The following CRHR2 variants were observed in gnomAD, a reference collection of about 807,000 sequenced individuals.
CRHR2 encodes the protein corticotropin-releasing hormone receptor 2.
Under a neutral mutation model 57.9 loss-of-function variants are expected in CRHR2, and 53 were observed. The ratio of observed to expected loss-of-function variants is 0.92; its 90% CI spans 0.73 to 1.15. The LOEUF (loss-of-function observed/expected upper bound fraction) is 1.15. Ranked by LOEUF, CRHR2 falls within the 50% of genes most tolerant of loss-of-function variation. The pLI is 0.00. For synonymous variants in CRHR2, 213 were observed against 220.9 expected (o/e 0.96, Z 0.32); for missense variants, 532 against 542.6 (o/e 0.98, Z 0.19).
At chr7:30,696,353 C>T (rs915962117) in intron 1 of CRHR2, among the ~76,000 whole-genome samples, 4 of 152,182 alleles carry the variant, frequency 2.6e-5, no homozygotes, top group African/African-American at 9.7e-5. Context: ...ATTTTCTACA[C>T]ATTGCATGCC....
chr7:30,685,247 G>C (rs1475603253), upstream of CRHR2, among the ~76,000 whole-genome samples: 1 of 152,156 alleles, frequency 6.6e-6, no homozygotes, highest in Non-Finnish European at 1.5e-5. Context: ...CTAATACATG[G>C]CATCAAACAG....
At chr7:30,671,423 G>A (rs1784349464) in intron 2 of CRHR2, among the ~76,000 whole-genome samples, 2 of 152,062 alleles carry the variant, frequency 1.3e-5, no homozygotes, top group Admixed American at 1.3e-4. Flanking sequence ...AAGGGACAGG[G>A]GTAGGCATGG....
chr7:30,653,689 G>T lies in CRHR2; in HGVS notation c.1096-89C>A. On this transcript the variant is annotated intron_variant, in intron 11 of 11. Transcript: ENST00000471646. The surrounding 1 kb of genome is among the most constrained non-coding windows in gnomAD (Gnocchi z 5.0). ...CCTCCTCTGCTTTCTGCTCTCATGG[G>T]TCGACTGCCACCCTCATGACAAGGA... The T allele has an allele frequency of 6.9e-7, 1 of 1,444,554 alleles. No individual in the cohort carries two copies. The highest frequency in any genetic ancestry group is 9.2e-7 in the Non-Finnish European group (1 of 1,090,784). The allele number at this position is 1,444,554 out of a possible 1,614,324, so 89.5% of individuals were successfully genotyped here.
chr7:30,688,715 GCA>G, intron 2 of CRHR2: 3 of 441,104 alleles, frequency 6.8e-6, no homozygotes, highest in South Asian at 4.9e-5. Flanking sequence ...AGGGCTCTGT[GCA>G]GCTCTGCAGT....
At chr7:30,669,029 A>G (rs1192697986) in intron 2 of CRHR2, among the ~76,000 whole-genome samples, 2 of 152,222 alleles carry the variant, frequency 1.3e-5, no homozygotes, top group Non-Finnish European at 2.9e-5. Flanking sequence ...TCACTGAACT[A>G]AAAAAGCAAA....
At chr7:30,677,123 A>G (rs1784543626) in intron 2 of CRHR2, among the ~76,000 whole-genome samples, 1 of 152,140 alleles carries the variant, frequency 6.6e-6, no homozygotes, top group South Asian at 2.1e-4. Context: ...GGCAGATAGA[A>G]GGAGGGATGG....
rs1784165784 is a variant in CRHR2, at chr7:30,665,705, C to T, written c.316-66G>A. On this transcript the variant is annotated intron_variant, in intron 3 of 11. Coordinates refer to ENST00000471646, the MANE Select transcript of CRHR2 (RefSeq NM_001883.5). The surrounding 1 kb of genome is among the most constrained non-coding windows in gnomAD (Gnocchi z 4.5). ...CACGTGGGGGTGGGGCTGGGTATTC[C>T]AGCCGTGGCCACCTCTGTGTCCTGA... is the stretch of plus-strand genomic sequence containing the variant. The T allele has an allele frequency of 7.5e-7, 1 of 1,336,112 alleles. No individual in the cohort carries two copies. The highest frequency in any genetic ancestry group is 1.0e-6 in the Non-Finnish European group (1 of 956,206). 82.8% of individuals were successfully genotyped at this position (1,336,112 alleles called of 1,614,324 possible).
At chr7:30,672,203 C>T (rs1315066113) in intron 2 of CRHR2, among the ~76,000 whole-genome samples, 1 of 152,222 alleles carries the variant, frequency 6.6e-6, no homozygotes, top group African/African-American at 2.4e-5. Context: ...CCCAGCTCCT[C>T]CAGGTAGTTT....
At chr7:30,672,881 T>A (rs1784409265) in intron 2 of CRHR2, among the ~76,000 whole-genome samples, 1 of 152,160 alleles carries the variant, frequency 6.6e-6, no homozygotes, top group South Asian at 2.1e-4. Flanking sequence ...AACTGACACA[T>A]CTGGGGTCAC....
At chr7:30,691,333 C>T (rs1048550983) in intron 1 of CRHR2, among the ~76,000 whole-genome samples, 21 of 152,214 alleles carry the variant, frequency 1.4e-4, no homozygotes, top group Admixed American at 6.5e-4. Context: ...GTCCACGGTG[C>T]GCCCTTAGGC....
intron 9 of CRHR2, 25 bp downstream of exon 9, chr7:30,655,902 G>T: frequency 6.2e-7 from 1 of 1,611,650 alleles, no homozygotes; most frequent in African/African-American, 1.3e-5. Flanking sequence ...TCCCCATTGT[G>T]GGGTCAAGGG....
rs1163393907 is a variant in CRHR2, at chr7:30,665,006, C to A, written c.543+64G>T. Reference sequence around the variant, plus strand: ...GGGGTCCAAGCAGAGACCAGACAGACAGATGGGTGCCCCCGGAGCCCAGAG... The same window carrying A: ...GGGGTCCAAGCAGAGACCAGACAGAAAGATGGGTGCCCCCGGAGCCCAGAG... On this transcript the variant is annotated intron_variant, in intron 5 of 11. Coordinates refer to ENST00000471646, the MANE Select transcript of CRHR2 (RefSeq NM_001883.5). The surrounding 1 kb of genome is among the most constrained non-coding windows in gnomAD (Gnocchi z 4.5). 2 of 1,336,850 alleles carry A rather than the reference C, an allele frequency of 1.5e-6. No individual in the cohort carries two copies. Among genetic ancestry groups the A allele is most frequent in the Non-Finnish European group, 1.1e-6 (1 of 928,152 alleles). 82.8% of individuals were successfully genotyped at this position (1,336,850 alleles called of 1,614,324 possible). A position where few individuals can be genotyped will look rare whatever the true frequency, so the allele number is the denominator to read the frequency against.
rs200574951 is a variant in CRHR2 at position 30,657,081 on chromosome 7, ACT to A, written c.832-1071_832-1070del. Among the ~76,000 whole-genome samples the A allele has an allele frequency of 6.5e-3, 950 of 146,948 alleles. 8 individuals are homozygous for A. Among genetic ancestry groups the A allele is most frequent in the African/African-American group, 0.022 (852 of 38,790 alleles). On this transcript the variant is annotated intron_variant, in intron 8 of 11. Transcript: ENST00000471646. ...TCTGCTGGCTCGTGTGCACACACCCACTCACACACACACACACACACACACAC... is the reference window on the plus strand; with the variant it reads ...TCTGCTGGCTCGTGTGCACACACCCACACACACACACACACACACACACAC...
chr7:30,658,818 C>A (rs1210024992), intron 8 of CRHR2, among the ~76,000 whole-genome samples: 3 of 152,234 alleles, frequency 2.0e-5, no homozygotes, highest in Non-Finnish European at 4.4e-5. Context: ...GCAAATTCAA[C>A]CACCTGATTC....
At chr7:30,673,050 G>A (rs1054312749) in intron 2 of CRHR2, among the ~76,000 whole-genome samples, 1 of 152,152 alleles carries the variant, frequency 6.6e-6, no homozygotes, top group Non-Finnish European at 1.5e-5. Context: ...TTACCACTTG[G>A]TGTCCAGATC....
chr7:30,681,861 C>T, intron 2 of CRHR2, 54 bp downstream of exon 2: 1 of 1,570,708 alleles, frequency 6.4e-7, no homozygotes, highest in Non-Finnish European at 8.6e-7. Context: ...ACTCCCTAAA[C>T]CGCCTTCTCA....
Position 30,665,688 on chromosome 7 carries a change from G to C in CRHR2, c.316-49C>G. 1.4e-6 allele frequency: 2 copies of C among 1,469,950 alleles called. No individual in the cohort carries two copies. Among genetic ancestry groups the C allele is most frequent in the Non-Finnish European group, 1.9e-6 (2 of 1,074,914 alleles). 91.1% of individuals were successfully genotyped at this position (1,469,950 alleles called of 1,614,324 possible). ...GCAGATGGAGGCATGGGCACGTGGG[G>C]GTGGGGCTGGGTATTCCAGCCGTGG... On this transcript the variant is annotated intron_variant, in intron 3 of 11. Transcript: ENST00000471646. The surrounding 1 kb of genome is among the most constrained non-coding windows in gnomAD (Gnocchi z 4.5).
In CRHR2 at chr7:30,680,492, G is replaced by A. The variant is rs566161318; in HGVS notation, c.229+1423C>T. Among the ~76,000 whole-genome samples the A allele has an allele frequency of 4.7e-4, 71 of 152,234 alleles. 1 individual carries two copies. Among genetic ancestry groups the A allele is most frequent in the African/African-American group, 1.6e-3 (67 of 41,534 alleles). On this transcript the variant is annotated intron_variant, in intron 2 of 11. Transcript: ENST00000471646. ...TTACCCTGGATGGCCCTTAATCTCC[G>A]GGCCCAGTCTGAATCAGGCATGCTG...
chr7:30,694,434 G>A (rs777320151), intron 1 of CRHR2, among the ~76,000 whole-genome samples: 6 of 152,194 alleles, frequency 3.9e-5, no homozygotes, highest in East Asian at 1.9e-4. Context: ...CCGGGGCCCC[G>A]ACAGGCCTCA....
Sources: allele counts gnomAD v4.1 joint callset (sites outside exome capture counted in the v4.1 genomes callset), GRCh38; gene constraint gnomAD v4.1.1; non-coding constraint Gnocchi (gnomAD v3.1); transcripts MANE v1.5; gene names NCBI Gene and HGNC (gene_info 2026-07-23, HGNC 2026-07-21).